The following MFSD6 variants were observed in gnomAD, a reference collection of about 807,000 sequenced individuals.
MFSD6 encodes major facilitator superfamily domain-containing protein 6.
In MFSD6, 26 loss-of-function variants were observed where a neutral mutation model predicts 56.3. That is an observed-to-expected ratio of 0.46 (90% CI 0.34 to 0.64). The LOEUF is 0.64. MFSD6 is among the 30% of genes least tolerant of loss of function. MFSD6 has a pLI of 0.01. For synonymous variants in MFSD6, 331 were observed against 366.9 expected (o/e 0.90, Z 1.12); for missense variants, 750 against 986.2 (o/e 0.76, Z 3.21).
chr2:190,474,423 G>T (rs1233047076), intron 4 of MFSD6, among the ~76,000 whole-genome samples: 2 of 152,186 alleles, frequency 1.3e-5, no homozygotes, highest in Non-Finnish European at 1.5e-5. Flanking sequence ...TACCATCAGA[G>T]AATACTATAA....
At position 190,499,823 on chromosome 2, in the gene MFSD6, C is replaced by G. The variant is rs1278282557; in HGVS notation, c.2173-192C>G. 6.5e-7 allele frequency: 1 copy of G among 1,538,520 alleles called. No homozygotes were observed. Among genetic ancestry groups the G allele is most frequent in the East Asian group, 2.5e-5 (1 of 40,020 alleles). On this transcript the variant is annotated intron_variant, in intron 7 of 7. Transcript: ENST00000392328. The surrounding 1 kb of genome is among the most constrained non-coding windows in gnomAD (Gnocchi z 6.0). ...TATAGTGTTTGTGTTTTTCATGCGGCTCTGGCAGTTGCACATAGGAAAGGA... is the reference window on the plus strand; with the variant it reads ...TATAGTGTTTGTGTTTTTCATGCGGGTCTGGCAGTTGCACATAGGAAAGGA...
rs188154439 is a variant in MFSD6, at chr2:190,416,809, G to A, written c.-54+1396G>A. On this transcript the variant is annotated intron_variant, in intron 2 of 7. Transcript: ENST00000392328. The surrounding 1 kb of genome is among the most constrained non-coding windows in gnomAD (Gnocchi z 4.1). ...TCTGGGAGTTAATTGACTTAAGTTT[G>A]TATGGAAAAGGAGGCTTAAAGAGGC... Among the ~76,000 whole-genome samples the A allele has an allele frequency of 3.5e-4, 54 of 152,266 alleles. No homozygotes were observed. Among genetic ancestry groups the A allele is most frequent in the African/African-American group, 1.2e-3 (49 of 41,550 alleles).
At chr2:190,476,726 A>G (rs1214664429) in intron 4 of MFSD6, among the ~76,000 whole-genome samples, 2 of 152,170 alleles carry the variant, frequency 1.3e-5, no homozygotes, top group Non-Finnish European at 2.9e-5. Context: ...AGGATTATAA[A>G]TCATGCTGCT....
Position 190,459,503 on chromosome 2 carries a change from T to C in MFSD6, c.1533-10255T>C, listed in dbSNP as rs1490670977. Reference sequence around the variant, plus strand: ...GTGTGTGTGTGAATATGTTCAGTCATTTGACTAAACAGAAAAATATAACAA... The same window carrying C: ...GTGTGTGTGTGAATATGTTCAGTCACTTGACTAAACAGAAAAATATAACAA... On this transcript the variant is annotated intron_variant, in intron 3 of 7. Transcript: ENST00000392328. This position sits in a 1 kb window ranked among gnomAD's most constrained non-coding sequence, Gnocchi z 5.3. Among the ~76,000 whole-genome samples, 1 of 152,202 alleles carries C rather than the reference T, an allele frequency of 6.6e-6. No individual in the cohort carries two copies. The highest frequency in any genetic ancestry group is 1.5e-5 in the Non-Finnish European group (1 of 68,040).
In MFSD6 at chr2:190,417,957, C is replaced by G. The variant is rs1301025317; in HGVS notation, c.-54+2544C>G. 2.5e-5 allele frequency among the ~76,000 whole-genome samples: 3 copies of G among 121,944 alleles called. No individual in the cohort carries two copies. The highest frequency in any genetic ancestry group is 1.8e-4 in the Admixed American group (2 of 11,168). 80.0% of individuals were successfully genotyped at this position (121,944 alleles called of 152,430 possible). Reference sequence around the variant, plus strand: ...TTATTATTCTGACTTTTCATTTAACCCTTTAGTGGTGTGTGTGTGTGTGTG... The same window carrying G: ...TTATTATTCTGACTTTTCATTTAACGCTTTAGTGGTGTGTGTGTGTGTGTG... On this transcript the variant is annotated intron_variant, in intron 2 of 7. Coordinates refer to ENST00000392328, the MANE Select transcript of MFSD6 (RefSeq NM_017694.4). The surrounding 1 kb of genome is among the most constrained non-coding windows in gnomAD (Gnocchi z 5.7).
chr2:190,479,603 T>G (rs910798113), intron 4 of MFSD6, among the ~76,000 whole-genome samples: 1 of 152,212 alleles, frequency 6.6e-6, no homozygotes, highest in Non-Finnish European at 1.5e-5. Flanking sequence ...CCTCTGTGGG[T>G]GTTGGTTGCA....
rs1686221233 is a variant in MFSD6 at position 190,437,559 on chromosome 2, C to T, written c.1530C>T (p.Ile510=). The change falls in exon 3 of 8, where the codon ATC becomes ATT. Residue 510 remains isoleucine (I), a splice_region_variant and synonymous_variant. Coordinates refer to ENST00000392328, the MANE Select transcript of MFSD6 (RefSeq NM_017694.4). This position sits in a 1 kb window ranked among gnomAD's most constrained non-coding sequence, Gnocchi z 5.9. ...SHKLIELIGH[I]RVLYIGLACN... The stretch of plus-strand genomic sequence containing the variant: ...AGCTTATTGAATTGATCGGCCACAT[C>T]AGGTAAGAACATGCTTACGATTGCT... The T allele has an allele frequency of 1.9e-6, 3 of 1,609,918 alleles. No individual in the cohort carries two copies. Among genetic ancestry groups the T allele is most frequent in the Middle Eastern group, 1.6e-4 (1 of 6,072 alleles).
rs547216414 is a variant in MFSD6 at position 190,443,817 on chromosome 2, G to A, written c.1532+6256G>A. ...CACCTATAATCCCAGCACTTTGGGA[G>A]GCTGAGGCAGGAGGATGTCTTGAGC... On this transcript the variant is annotated intron_variant, in intron 3 of 7. Transcript: ENST00000392328. The surrounding 1 kb of genome is among the most constrained non-coding windows in gnomAD (Gnocchi z 4.2). Among the ~76,000 whole-genome samples, 1 of 152,332 alleles carries A rather than the reference G, an allele frequency of 6.6e-6. No individual in the cohort carries two copies. Among genetic ancestry groups the A allele is most frequent in the Non-Finnish European group, 1.5e-5 (1 of 68,032 alleles).
At chr2:190,427,114 T>G (rs1235386663) in intron 2 of MFSD6, among the ~76,000 whole-genome samples, 1 of 152,240 alleles carries the variant, frequency 6.6e-6, no homozygotes, top group Non-Finnish European at 1.5e-5. Context: ...GATTCTCTAC[T>G]GTAACTCCTG....
intron 2 of MFSD6, among the ~76,000 whole-genome samples, chr2:190,427,247 C>G (rs1164680549): frequency 6.6e-6 from 1 of 152,162 alleles, no homozygotes; most frequent in Non-Finnish European, 1.5e-5. Flanking sequence ...GGATGAAAGT[C>G]CTTGCTCCTT....
At chr2:190,427,371 A>G (rs1685813874) in intron 2 of MFSD6, among the ~76,000 whole-genome samples, 1 of 152,100 alleles carries the variant, frequency 6.6e-6, no homozygotes, top group Non-Finnish European at 1.5e-5. Context: ...AGGAGTGGGA[A>G]TAGGGTTATG....
At chr2:190,427,079 ACTG>A (rs1332202556) in intron 2 of MFSD6, among the ~76,000 whole-genome samples, 1 of 152,178 alleles carries the variant, frequency 6.6e-6, no homozygotes, top group African/African-American at 2.4e-5. Context: ...GGACCTCCTT[ACTG>A]CTGGCCAGTG....
rs1464525022 is a variant in MFSD6 at position 190,447,911 on chromosome 2, G to A, written c.1532+10350G>A. On this transcript the variant is annotated intron_variant, in intron 3 of 7. Coordinates refer to ENST00000392328, the MANE Select transcript of MFSD6 (RefSeq NM_017694.4). The surrounding 1 kb of genome is among the most constrained non-coding windows in gnomAD (Gnocchi z 4.5). Reference sequence around the variant, plus strand: ...TACCATGTAATATAGCTACCAGGCTGACTTATTAATAACAGCATTACTTAT... The same window carrying A: ...TACCATGTAATATAGCTACCAGGCTAACTTATTAATAACAGCATTACTTAT... Among the ~76,000 whole-genome samples the A allele has an allele frequency of 6.6e-6, 1 of 152,160 alleles. No individual in the cohort carries two copies. Among genetic ancestry groups the A allele is most frequent in the Non-Finnish European group, 1.5e-5 (1 of 68,038 alleles).
At position 190,410,821 on chromosome 2, in the gene MFSD6, G is replaced by T. The variant is rs1690528193; in HGVS notation, c.-176+2318G>T. On this transcript the variant is annotated intron_variant, in intron 1 of 7. Coordinates refer to ENST00000392328, the MANE Select transcript of MFSD6 (RefSeq NM_017694.4). This position sits in a 1 kb window ranked among gnomAD's most constrained non-coding sequence, Gnocchi z 4.4. ...GCCTGTAATCCCAGCACTTTGGGAG[G>T]CCGAGGCAGGTGGATCACGAAGTCA... 6.6e-6 allele frequency among the ~76,000 whole-genome samples: 1 copy of T among 151,714 alleles called. No individual in the cohort carries two copies. Among genetic ancestry groups the T allele is most frequent in the Admixed American group, 6.6e-5 (1 of 15,090 alleles).
chr2:190,458,412 C>T lies in MFSD6; in HGVS notation c.1533-11346C>T, dbSNP rs4283453. 0.14 allele frequency among the ~76,000 whole-genome samples: 21,460 copies of T among 152,096 alleles called. 1,713 individuals carry two copies. The highest frequency in any genetic ancestry group is 0.21 in the Middle Eastern group (63 of 294). On this transcript the variant is annotated intron_variant, in intron 3 of 7. Coordinates refer to ENST00000392328, the MANE Select transcript of MFSD6 (RefSeq NM_017694.4). The surrounding 1 kb of genome is among the most constrained non-coding windows in gnomAD (Gnocchi z 5.3). ...AGGGAGAGGATGACTTGTCTGCAAG[C>T]CAACGAGAGGGGCCCTGGAGAAACC...
rs1304815131 is a variant in MFSD6 at position 190,488,804 on chromosome 2, T to C, written c.1778T>C (p.Leu593Ser). 1.3e-6 allele frequency: 2 copies of C among 1,569,316 alleles called. No homozygotes were observed. The highest frequency in any genetic ancestry group is 1.7e-6 in the Non-Finnish European group (2 of 1,163,968). The change falls in exon 5 of 8, where the codon TTA becomes TCA. Residue 593 changes from leucine to serine, a missense_variant. This residue lies in a region of MFSD6 where 125 missense variants were observed against 223.1 expected (regional missense o/e 0.56). Transcript: ENST00000392328. The surrounding 1 kb of genome is among the most constrained non-coding windows in gnomAD (Gnocchi z 6.4). The stretch of plus-strand genomic sequence containing the variant: ...TGTGGTGCCATGATCGGAGGCGTGT[T>C]AGTCAATTATTTTGGTAAGAATGGC... Reference protein sequence around the residue: ...RGCGAMIGGVLVNYFGAAATF... With the variant: ...RGCGAMIGGVSVNYFGAAATF...
In MFSD6 at chr2:190,443,928, T is replaced by A. The variant is rs1266902286; in HGVS notation, c.1532+6367T>A. ...TTAGCTGGGCATGGTGTCACACGCC[T>A]GTAGTCCCAGTTACTTGGGAGCCTG... On this transcript the variant is annotated intron_variant, in intron 3 of 7. Transcript: ENST00000392328. This position sits in a 1 kb window ranked among gnomAD's most constrained non-coding sequence, Gnocchi z 4.2. 6.6e-6 allele frequency among the ~76,000 whole-genome samples: 1 copy of A among 152,118 alleles called. No homozygotes were observed. Among genetic ancestry groups the A allele is most frequent in the Admixed American group, 6.5e-5 (1 of 15,276 alleles).
chr2:190,468,659 A>C (rs1355769492), intron 3 of MFSD6, among the ~76,000 whole-genome samples: 1 of 142,114 alleles, frequency 7.0e-6, no homozygotes, highest in African/African-American at 2.6e-5. Context: ...GGTTCTCACT[A>C]TGTTGCCCAG....
Position 190,482,109 on chromosome 2 carries a change from T to G in MFSD6, c.1631-6548T>G, listed in dbSNP as rs189926921. 3.9e-3 allele frequency among the ~76,000 whole-genome samples: 590 copies of G among 152,300 alleles called. 5 individuals are homozygous for G. Among genetic ancestry groups the G allele is most frequent in the South Asian group, 0.017 (81 of 4,820 alleles). ...ATTGTATGGGTCAGGTGCAGAGGTG[T>G]GTCACTCCCTTCTCTGTCAGCTGGA... is the stretch of plus-strand genomic sequence containing the variant. On this transcript the variant is annotated intron_variant, in intron 4 of 7. Coordinates refer to ENST00000392328, the MANE Select transcript of MFSD6 (RefSeq NM_017694.4).
Sources: allele counts gnomAD v4.1 joint callset (sites outside exome capture counted in the v4.1 genomes callset), GRCh38; gene constraint gnomAD v4.1.1; regional missense constraint gnomAD v4.1.1; non-coding constraint Gnocchi (gnomAD v3.1); transcripts MANE v1.5; gene names NCBI Gene and HGNC (gene_info 2026-07-23, HGNC 2026-07-21).